Variants in ZNF804B observed in about 807,000 individuals in gnomAD.
ZNF804B encodes zinc finger protein 804B.
A neutral mutation model predicts 101.4 loss-of-function variants in ZNF804B; 80 were observed. That is an observed-to-expected ratio of 0.79 (90% CI 0.66 to 0.95). The LOEUF is 0.95. ZNF804B is among the 40% of genes least tolerant of loss of function. ZNF804B has a pLI of 0.00. For missense variants in ZNF804B, 1,673 were observed against 1,561.9 expected (o/e 1.07, Z -1.20); for synonymous variants, 622 against 558.8 (o/e 1.11, Z -1.59).
intron 1 of ZNF804B, among the ~76,000 whole-genome samples, chr7:89,029,149 G>C (rs1254237243): frequency 6.6e-6 from 1 of 152,186 alleles, no homozygotes; most frequent in African/African-American, 2.4e-5. Flanking sequence ...TGTTGCCAAA[G>C]CTGGAGTGCA....
intron 1 of ZNF804B, among the ~76,000 whole-genome samples, chr7:89,099,452 C>T (rs556771190): frequency 6.6e-6 from 1 of 152,264 alleles, no homozygotes; most frequent in Admixed American, 6.5e-5. Flanking sequence ...GCAGCAGCCA[C>T]TAAGAAATAG....
At chr7:89,155,723 ACT>A (rs756740699) in intron 1 of ZNF804B, among the ~76,000 whole-genome samples, 25 of 152,178 alleles carry the variant, frequency 1.6e-4, no homozygotes, top group Non-Finnish European at 2.8e-4. Context: ...AAGATAACAA[ACT>A]CTGTTGAGTT....
chr7:88,869,660 G>C (rs1791785334), intron 1 of ZNF804B, among the ~76,000 whole-genome samples: 2 of 152,126 alleles, frequency 1.3e-5, no homozygotes, highest in Non-Finnish European at 2.9e-5. Flanking sequence ...GCAATGTTAG[G>C]TTTCAGCCTC....
Position 88,905,895 on chromosome 7 carries a change from CTT to C in ZNF804B, c.108+145826_108+145827del, listed in dbSNP as rs58138257. Among the ~76,000 whole-genome samples, 88 of 81,636 alleles carry C rather than the reference CTT, an allele frequency of 1.1e-3. 1 individual carries two copies. Among genetic ancestry groups the C allele is most frequent in the Admixed American group, 5.7e-3 (46 of 8,010 alleles). The allele number at this position is 81,636 out of a possible 152,430, so 53.6% of individuals were successfully genotyped here. On this transcript the variant is annotated intron_variant, in intron 1 of 3. Transcript: ENST00000333190. ...AGCTGTTAATCCATTTGGGTTGAGGCTTTTTTTTTTTTTTTTGGGGTTGATAG... is the reference window on the plus strand; with the variant it reads ...AGCTGTTAATCCATTTGGGTTGAGGCTTTTTTTTTTTTTTGGGGTTGATAG...
At chr7:89,327,196 G>T (rs566151086) in intron 2 of ZNF804B, 148 bp from the exon 3 acceptor site, 8 of 668,540 alleles carry the variant, frequency 1.2e-5, no homozygotes, top group African/African-American at 1.1e-4. Flanking sequence ...TTGGAGCAGA[G>T]AATAGCAACA....
rs181388063 is a variant in ZNF804B, at chr7:89,241,393, A to C, written c.249+23098A>C. 4.1e-3 allele frequency among the ~76,000 whole-genome samples: 620 copies of C among 152,116 alleles called. 1 individual carries two copies. Among genetic ancestry groups the C allele is most frequent in the African/African-American group, 0.014 (584 of 41,532 alleles). ...TGAACCACTACCTCTACTCCCTGCC[A>C]GTGTTTCCTGGCCCCCTGAAATACA... On this transcript the variant is annotated intron_variant, in intron 2 of 3. Transcript: ENST00000333190.
At chr7:88,874,067 G>A (rs1263784900) in intron 1 of ZNF804B, among the ~76,000 whole-genome samples, 2 of 152,110 alleles carry the variant, frequency 1.3e-5, no homozygotes, top group African/African-American at 4.8e-5. Context: ...GGGCAGTATG[G>A]CCATTTTCAT....
chr7:88,982,975 A>G lies in ZNF804B; in HGVS notation c.108+222891A>G, dbSNP rs368288605. Among the ~76,000 whole-genome samples the G allele has an allele frequency of 1.6e-3, 238 of 152,212 alleles. 4 individuals are homozygous for G. The South Asian group carries it at 0.049, about 31-fold the overall frequency. ...TTCTTACTAAGCTTTAGGTGGAAGA[A>G]ATAATGTTCTGTCTTGCTATGGGAG... is the stretch of plus-strand genomic sequence containing the variant. On this transcript the variant is annotated intron_variant, in intron 1 of 3. Transcript: ENST00000333190.
chr7:89,289,676 G>A (rs1022614008), intron 2 of ZNF804B, among the ~76,000 whole-genome samples: 9 of 152,136 alleles, frequency 5.9e-5, no homozygotes, highest in East Asian at 1.9e-4. Flanking sequence ...AGCCCTACAC[G>A]AAGGGGAATC....
chr7:89,183,616 G>A (rs1461258735), intron 1 of ZNF804B, among the ~76,000 whole-genome samples: 2 of 152,138 alleles, frequency 1.3e-5, no homozygotes, highest in African/African-American at 4.8e-5. Context: ...ACATCCACAA[G>A]TTCAGGTAGA....
At chr7:89,059,431 A>C (rs1238924895) in intron 1 of ZNF804B, among the ~76,000 whole-genome samples, 2 of 152,122 alleles carry the variant, frequency 1.3e-5, no homozygotes, top group Non-Finnish European at 2.9e-5. Flanking sequence ...ACATGGCAAG[A>C]GTAGAAGCCA....
intron 1 of ZNF804B, among the ~76,000 whole-genome samples, chr7:88,962,708 CATATATATATATATAT>C (rs71120046): frequency 0.038 from 3,235 of 84,182 alleles, 168 homozygotes; most frequent in African/African-American, 0.12. Context: ...GTTAAACTCA[CATATATATATATATAT>C]ATATATATAT....
At chr7:88,929,967 G>T (rs949512488) in intron 1 of ZNF804B, among the ~76,000 whole-genome samples, 1 of 151,746 alleles carries the variant, frequency 6.6e-6, no homozygotes, top group African/African-American at 2.4e-5. Flanking sequence ...TAAAAATTTA[G>T]ATTGTTTTTA....
chr7:89,016,153 T>G (rs1309591017), intron 1 of ZNF804B, among the ~76,000 whole-genome samples: 1 of 152,054 alleles, frequency 6.6e-6, no homozygotes, highest in East Asian at 1.9e-4. Context: ...AAGTGTCTGT[T>G]CATGTCCTTT....
At chr7:88,935,399 T>G (rs1792951618) in intron 1 of ZNF804B, among the ~76,000 whole-genome samples, 1 of 151,602 alleles carries the variant, frequency 6.6e-6, no homozygotes, top group Non-Finnish European at 1.5e-5. Context: ...ATACACCTTT[T>G]CTGGCCAGCC....
At chr7:89,317,695 G>T (rs1212022685) in intron 2 of ZNF804B, among the ~76,000 whole-genome samples, 2 of 152,172 alleles carry the variant, frequency 1.3e-5, no homozygotes, top group African/African-American at 4.8e-5. Flanking sequence ...TGCTGAAGAG[G>T]TGGCAGGAAA....
At chr7:89,173,227 T>C (rs908795448) in intron 1 of ZNF804B, among the ~76,000 whole-genome samples, 14 of 152,266 alleles carry the variant, frequency 9.2e-5, no homozygotes, top group African/African-American at 3.4e-4. Flanking sequence ...TATTATTTTA[T>C]AATCCAGCCT....
intron 1 of ZNF804B, among the ~76,000 whole-genome samples, chr7:88,787,469 A>G (rs1291033429): frequency 6.6e-6 from 1 of 151,166 alleles, no homozygotes; most frequent in Admixed American, 6.6e-5. Context: ...AGGAGTTTAC[A>G]TATATATATG....
chr7:88,966,401 G>A lies in ZNF804B; in HGVS notation c.108+206317G>A, dbSNP rs190803757. On this transcript the variant is annotated intron_variant, in intron 1 of 3. Transcript: ENST00000333190. ...ACTGTACATCTGAACCACAAGAGTAGCCTGGGCCTCACTTCTTGAAATTGG... is the reference window on the plus strand; with the variant it reads ...ACTGTACATCTGAACCACAAGAGTAACCTGGGCCTCACTTCTTGAAATTGG... Among the ~76,000 whole-genome samples the A allele has an allele frequency of 7.0e-4, 106 of 151,622 alleles. 4 individuals are homozygous for A. In the East Asian group the frequency reaches 0.018, roughly 26 times the overall value.
Sources: allele counts gnomAD v4.1 joint callset (sites outside exome capture counted in the v4.1 genomes callset), GRCh38; gene constraint gnomAD v4.1.1; transcripts MANE v1.5; gene names NCBI Gene and HGNC (gene_info 2026-07-23, HGNC 2026-07-21).